Variants in SNTB1 observed in about 807,000 individuals in gnomAD.
SNTB1 encodes beta-1-syntrophin.
In SNTB1, 36 loss-of-function variants were observed where a neutral mutation model predicts 48.9. The ratio of observed to expected loss-of-function variants is 0.74; its 90% confidence interval spans 0.56 to 0.97. The LOEUF (loss-of-function observed/expected upper bound fraction) is 0.97, where lower values mean the gene tolerates loss of function less well. Among genes scored for constraint, SNTB1 ranks in the 50% least tolerant of loss-of-function variants. The pLI, the probability that SNTB1 is intolerant of heterozygous loss-of-function variation, is 0.00. For missense variants in SNTB1, 786 were observed against 703.4 expected (o/e 1.12, Z -1.33); for synonymous variants, 299 against 294.6 (o/e 1.01, Z -0.15).
At chr8:120,769,511 T>A (rs1464980007) in intron 1 of SNTB1, 1 of 152,196 alleles carries the variant, frequency 6.6e-6, no homozygotes, top group Non-Finnish European at 1.5e-5. Flanking sequence ...AGCTTCCACT[T>A]CCTGTCTCCT....
intron 1 of SNTB1, among the ~76,000 whole-genome samples, chr8:120,809,657 G>A (rs1820394267): frequency 6.6e-6 from 1 of 151,674 alleles, no homozygotes; most frequent in South Asian, 2.1e-4. Context: ...TGCAAACCGA[G>A]CAGGTGCCCA....
chr8:120,723,845 C>T (rs1438877522), intron 1 of SNTB1, among the ~76,000 whole-genome samples: 4 of 152,234 alleles, frequency 2.6e-5, no homozygotes, highest in African/African-American at 7.2e-5. Context: ...CAGTAAACGG[C>T]AGCTATTGTT....
chr8:120,759,797 G>A (rs370829676), intron 1 of SNTB1, among the ~76,000 whole-genome samples: 4 of 152,256 alleles, frequency 2.6e-5, no homozygotes, highest in African/African-American at 9.6e-5. Context: ...TTCCCCACAA[G>A]CCTAGAGTCT....
intron 3 of SNTB1, among the ~76,000 whole-genome samples, chr8:120,618,458 T>C (rs1816748302): frequency 6.6e-6 from 1 of 152,236 alleles, no homozygotes; most frequent in South Asian, 2.1e-4. Context: ...TAAGCTCCAG[T>C]GCAGCAAGGA....
intron 1 of SNTB1, among the ~76,000 whole-genome samples, chr8:120,799,257 T>C (rs1820174464): frequency 6.6e-6 from 1 of 152,022 alleles, no homozygotes; most frequent in Non-Finnish European, 1.5e-5. Flanking sequence ...TCATTTCAGA[T>C]TCTGTCTCTT....
chr8:120,699,681 A>C (rs1818272558), intron 1 of SNTB1, among the ~76,000 whole-genome samples: 1 of 152,192 alleles, frequency 6.6e-6, no homozygotes. Flanking sequence ...ATGGATTAAC[A>C]CACAACCCAT....
chr8:120,595,586 ATTTC>A (rs1474545547), intron 3 of SNTB1, among the ~76,000 whole-genome samples: 1 of 151,216 alleles, frequency 6.6e-6, no homozygotes, highest in African/African-American at 2.4e-5. Context: ...TATTCCTCTA[ATTTC>A]TTTTTTTTTT....
intron 3 of SNTB1, among the ~76,000 whole-genome samples, chr8:120,583,022 G>A (rs901148143): frequency 3.3e-5 from 5 of 152,182 alleles, no homozygotes; most frequent in South Asian, 2.1e-4. Context: ...TAATCCCAGC[G>A]ATTTCGTAGG....
chr8:120,576,259 C>T (rs1363247122), intron 3 of SNTB1, among the ~76,000 whole-genome samples: 1 of 152,168 alleles, frequency 6.6e-6, no homozygotes, highest in African/African-American at 2.4e-5. Context: ...TGACAACTAT[C>T]AAAGATTTAA....
At chr8:120,575,677 T>C (rs1815939357) in intron 3 of SNTB1, among the ~76,000 whole-genome samples, 1 of 151,952 alleles carries the variant, frequency 6.6e-6, no homozygotes, top group African/African-American at 2.4e-5. Flanking sequence ...CCAGACAGAG[T>C]GAGATATCAC....
At position 120,697,095 on chromosome 8, in the gene SNTB1, A is replaced by G. The variant is rs111370689; in HGVS notation, c.572-3187T>C. Among the ~76,000 whole-genome samples, 893 of 152,366 alleles carry G rather than the reference A, an allele frequency of 5.9e-3. 12 individuals are homozygous for G. In the Middle Eastern group the frequency reaches 0.095, roughly 16 times the overall value. On this transcript the variant is annotated intron_variant, in intron 1 of 6. Transcript: ENST00000517992. The stretch of plus-strand genomic sequence containing the variant: ...CCCAAGTAACACTCTAAATCTCCAC[A>G]TAAGGGAAGAGTAATCCCAGAAATG...
chr8:120,710,167 A>G (rs925969216), intron 1 of SNTB1, among the ~76,000 whole-genome samples: 3 of 152,234 alleles, frequency 2.0e-5, no homozygotes, highest in African/African-American at 7.2e-5. Flanking sequence ...TGAACTGAAC[A>G]GATGACTTAA....
At chr8:120,658,588 C>A (rs1212661680) in intron 2 of SNTB1, among the ~76,000 whole-genome samples, 2 of 152,184 alleles carry the variant, frequency 1.3e-5, no homozygotes, top group Admixed American at 1.3e-4. Flanking sequence ...GTCTATTAAG[C>A]ATGCAATGGC....
chr8:120,621,833 C>T (rs930701380), intron 3 of SNTB1, among the ~76,000 whole-genome samples: 3 of 152,084 alleles, frequency 2.0e-5, no homozygotes, highest in East Asian at 1.9e-4. Flanking sequence ...ATCTCCTCCA[C>T]GTTTTGACTC....
chr8:120,634,768 C>T (rs1817045589), intron 2 of SNTB1, among the ~76,000 whole-genome samples: 1 of 152,072 alleles, frequency 6.6e-6, no homozygotes, highest in South Asian at 2.1e-4. Flanking sequence ...ACTAAACCGT[C>T]TTACCACAAG....
intron 2 of SNTB1, among the ~76,000 whole-genome samples, chr8:120,656,656 T>C (rs7820451): frequency 0.85 from 129,230 of 152,174 alleles, 55,080 homozygotes; most frequent in Middle Eastern, 0.93. Context: ...TAATCTATCC[T>C]ACAGCCCAAT....
chr8:120,778,330 T>C (rs1408121039), intron 1 of SNTB1, among the ~76,000 whole-genome samples: 4 of 152,210 alleles, frequency 2.6e-5, no homozygotes, highest in Non-Finnish European at 4.4e-5. Context: ...TGATATTCTA[T>C]TTATTTCGCA....
chr8:120,610,663 G>A (rs1375919233), intron 3 of SNTB1, among the ~76,000 whole-genome samples: 2 of 152,120 alleles, frequency 1.3e-5, no homozygotes, highest in African/African-American at 4.8e-5. Flanking sequence ...AGAAACCAAG[G>A]GCCCAGCTTT....
At chr8:120,593,101 T>C (rs1366195527) in intron 3 of SNTB1, among the ~76,000 whole-genome samples, 1 of 152,142 alleles carries the variant, frequency 6.6e-6, no homozygotes, top group Non-Finnish European at 1.5e-5. Flanking sequence ...TTGCTTTGAT[T>C]TTCCATCTTC....
Sources: gnomAD v4.1 joint callset for allele counts (sites outside exome capture counted in the v4.1 genomes callset) on GRCh38, gnomAD v4.1.1 for gene constraint, MANE v1.5 for transcripts, NCBI Gene and HGNC (gene_info 2026-07-23, HGNC 2026-07-21) for gene names.